The following DAPK1 variants were observed in gnomAD, a reference collection of about 807,000 sequenced individuals.
DAPK1 encodes the protein death associated protein kinase 1, also known as death-associated protein kinase 1.
A neutral mutation model predicts 144.9 loss-of-function variants in DAPK1; 56 were observed. That is an observed-to-expected ratio of 0.39 (90% CI 0.31 to 0.48). The LOEUF is 0.48. Ranked by LOEUF, DAPK1 falls within the 20% of genes least tolerant of loss-of-function variation. The pLI, the probability that DAPK1 is intolerant of heterozygous loss-of-function variation, is 0.95. For missense variants in DAPK1, 1,454 were observed against 1,875.4 expected (o/e 0.78, Z 4.15); for synonymous variants, 690 against 749.0 (o/e 0.92, Z 1.29).
intron 2 of DAPK1, chr9:87,525,208 CG>C (rs1825449455): frequency 2.3e-6 from 2 of 854,240 alleles, no homozygotes; most frequent in Admixed American, 3.9e-5. Flanking sequence ...GAACTTTCTG[CG>C]TCTGTTTTTC....
intron 2 of DAPK1, among the ~76,000 whole-genome samples, chr9:87,533,285 A>G (rs185732358): frequency 1.3e-3 from 197 of 152,400 alleles, no homozygotes; most frequent in African/African-American, 4.6e-3. Context: ...TACATTTACC[A>G]GTGCTTAGGC....
chr9:87,561,982 C>T (rs1369255170), intron 2 of DAPK1, among the ~76,000 whole-genome samples: 1 of 152,160 alleles, frequency 6.6e-6, no homozygotes, highest in South Asian at 2.1e-4. Flanking sequence ...GAGCTGCCTG[C>T]AAGGGGCTCT....
chr9:87,659,138 C>T (rs930444522), intron 18 of DAPK1, among the ~76,000 whole-genome samples: 11 of 152,214 alleles, frequency 7.2e-5, no homozygotes, highest in Middle Eastern at 3.2e-3. Flanking sequence ...GTTTGCTGAC[C>T]GCTGGGGCTA....
At chr9:87,618,843 G>C (rs1217739706) in intron 3 of DAPK1, among the ~76,000 whole-genome samples, 1 of 152,184 alleles carries the variant, frequency 6.6e-6, no homozygotes, top group Non-Finnish European at 1.5e-5. Flanking sequence ...GGGGATGGTT[G>C]CATAACCCTG....
At chr9:87,547,166 A>C (rs1164439641) in intron 2 of DAPK1, among the ~76,000 whole-genome samples, 2 of 152,146 alleles carry the variant, frequency 1.3e-5, no homozygotes, top group Non-Finnish European at 2.9e-5. Context: ...CAAAAAACAA[A>C]AAAATTGTAG....
At chr9:87,563,720 ACCTCCCACCCCACCGCC>A in intron 2 of DAPK1, among the ~76,000 whole-genome samples, 2 of 151,952 alleles carry the variant, frequency 1.3e-5, no homozygotes, top group African/African-American at 4.8e-5. Flanking sequence ...ACCAGCCAGC[ACCTCCCACCCCACCGCC>A]TCTCAGACTG....
At chr9:87,505,885 G>A (rs772468934) in intron 2 of DAPK1, among the ~76,000 whole-genome samples, 24 of 151,612 alleles carry the variant, frequency 1.6e-4, no homozygotes, top group Non-Finnish European at 1.0e-4. Flanking sequence ...GTGGGGTTTC[G>A]CCATGTTGGC....
chr9:87,630,745 G>T (rs1829654773), intron 3 of DAPK1, among the ~76,000 whole-genome samples: 1 of 152,172 alleles, frequency 6.6e-6, no homozygotes, highest in Non-Finnish European at 1.5e-5. Context: ...ACACAGATCG[G>T]AGGATCTTAA....
At chr9:87,602,195 A>T (rs559021500) in intron 2 of DAPK1, among the ~76,000 whole-genome samples, 24 of 152,316 alleles carry the variant, frequency 1.6e-4, no homozygotes, top group Middle Eastern at 3.4e-3. Context: ...CAGTAGGTCT[A>T]GAACAAGTTT....
intron 2 of DAPK1, among the ~76,000 whole-genome samples, chr9:87,561,465 A>G (rs10746818): frequency 0.88 from 134,198 of 151,892 alleles, 59,519 homozygotes; most frequent in African/African-American, 0.96. Context: ...GGCGGAGCTT[A>G]CAGTGAGCCG....
chr9:87,682,786 T>G (rs1440922892), intron 20 of DAPK1, among the ~76,000 whole-genome samples: 2 of 152,172 alleles, frequency 1.3e-5, no homozygotes, highest in East Asian at 3.9e-4. Context: ...CCGAGGTGTT[T>G]TTACCGCTAT....
At chr9:87,638,776 A>G (rs1030729391) in intron 4 of DAPK1, among the ~76,000 whole-genome samples, 6 of 152,218 alleles carry the variant, frequency 3.9e-5, no homozygotes, top group African/African-American at 1.2e-4. Flanking sequence ...CTTCTGTAGC[A>G]GAGCTGTCAA....
At chr9:87,497,822 T>A (rs913451211), upstream of DAPK1, 85 of 382,416 alleles carry the variant, frequency 2.2e-4, no homozygotes, top group African/African-American at 1.6e-3. Flanking sequence ...ATTGGCCGCC[T>A]GCCGGCCGCC....
chr9:87,681,368 T>G (rs746628772), intron 19 of DAPK1, 36 bp from the exon 20 acceptor site: 6 of 1,121,390 alleles, frequency 5.4e-6, no homozygotes, highest in Non-Finnish European at 8.1e-6. Flanking sequence ...TGCCTCTTTT[T>G]CTGTCACTCA....
chr9:87,596,289 C>T (rs1038100681), intron 2 of DAPK1, among the ~76,000 whole-genome samples: 15 of 152,170 alleles, frequency 9.9e-5, no homozygotes, highest in Admixed American at 5.2e-4. Context: ...GGCATTCACA[C>T]CAGGCAGGAG....
chr9:87,590,869 G>A (rs560117989), intron 2 of DAPK1, among the ~76,000 whole-genome samples: 2 of 152,186 alleles, frequency 1.3e-5, no homozygotes, highest in African/African-American at 2.4e-5. Flanking sequence ...GATTACAGGC[G>A]TGAGCCACTG....
At chr9:87,689,990 CTG>C (rs949005248) in intron 21 of DAPK1, among the ~76,000 whole-genome samples, 1 of 152,144 alleles carries the variant, frequency 6.6e-6, no homozygotes, top group African/African-American at 2.4e-5. Flanking sequence ...TGTTTGGCCA[CTG>C]TTTTGTTTCC....
chr9:87,689,335 T>C (rs1824973648), intron 21 of DAPK1, among the ~76,000 whole-genome samples: 1 of 152,016 alleles, frequency 6.6e-6, no homozygotes, highest in Non-Finnish European at 1.5e-5. Context: ...TTGGTTACTG[T>C]AGACCTTTGC....
At chr9:87,703,008 G>C in intron 24 of DAPK1, 21 bp from the exon 25 acceptor site, 1 of 1,329,652 alleles carries the variant, frequency 7.5e-7, no homozygotes, top group Non-Finnish European at 1.1e-6. Flanking sequence ...GAGTTAACCT[G>C]TCTGGCCCTG....
Sources: allele counts gnomAD v4.1 joint callset (sites outside exome capture counted in the v4.1 genomes callset), GRCh38; gene constraint gnomAD v4.1.1; transcripts MANE v1.5; gene names NCBI Gene and HGNC (gene_info 2026-07-23, HGNC 2026-07-21).